The following AGBL4 variants were observed in gnomAD, a reference collection of about 807,000 sequenced individuals.
AGBL4 encodes the protein AGBL carboxypeptidase 4, also known as cytosolic carboxypeptidase 6.
A neutral mutation model predicts 66.4 loss-of-function variants in AGBL4; 58 were observed. The ratio of observed to expected loss-of-function variants is 0.87; its 90% CI spans 0.71 to 1.09. The LOEUF (loss-of-function observed/expected upper bound fraction) is 1.09. Among genes scored for constraint, AGBL4 ranks in the 50% least tolerant of loss-of-function variants. The probability of loss-of-function intolerance (pLI) is 0.00; values close to 1 mark genes in which losing one functional copy is unlikely to be tolerated. For synonymous variants in AGBL4, 234 were observed against 222.9 expected (o/e 1.05, Z -0.44); for missense variants, 579 against 631.0 (o/e 0.92, Z 0.88).
chr1:48,768,662 G>C (rs556966894), intron 6 of AGBL4, among the ~76,000 whole-genome samples: 2 of 152,286 alleles, frequency 1.3e-5, no homozygotes, highest in East Asian at 1.9e-4. Context: ...ATATAATCAG[G>C]CTGGGCAATT....
chr1:49,712,200 G>T (rs1251964475), intron 2 of AGBL4, among the ~76,000 whole-genome samples: 1 of 151,844 alleles, frequency 6.6e-6, no homozygotes, highest in Non-Finnish European at 1.5e-5. Context: ...TTAGGAATAT[G>T]GGCTCTGGTT....
chr1:49,061,973 G>A (rs944850880), intron 4 of AGBL4, among the ~76,000 whole-genome samples: 10 of 152,134 alleles, frequency 6.6e-5, no homozygotes, highest in Non-Finnish European at 1.2e-4. Context: ...AGCTGTGGGC[G>A]AGCAAGCGTT....
Position 49,787,447 on chromosome 1 carries a change from G to A in AGBL4, c.157+63949C>T, listed in dbSNP as rs34380710. Reference sequence around the variant, plus strand: ...GAACCTGGGAGGCGGAGCTTGCAGCGAGCCGAGATCAAGCCACTGCACTCC... The same window carrying A: ...GAACCTGGGAGGCGGAGCTTGCAGCAAGCCGAGATCAAGCCACTGCACTCC... On this transcript the variant is annotated intron_variant, in intron 2 of 13. Coordinates refer to ENST00000371839, the MANE Select transcript of AGBL4 (RefSeq NM_032785.4). 8.0e-3 allele frequency among the ~76,000 whole-genome samples: 1,197 copies of A among 150,356 alleles called. 5 individuals are homozygous for A. The highest frequency in any genetic ancestry group is 0.012 in the Non-Finnish European group (781 of 67,816).
chr1:49,080,775 G>A (rs1467021814), intron 4 of AGBL4, among the ~76,000 whole-genome samples: 4 of 152,026 alleles, frequency 2.6e-5, no homozygotes, highest in Admixed American at 1.3e-4. Context: ...TTTGTTCACC[G>A]TAATACTTGA....
chr1:49,746,865 G>C (rs1432323408), intron 2 of AGBL4, among the ~76,000 whole-genome samples: 1 of 152,076 alleles, frequency 6.6e-6, no homozygotes, highest in Non-Finnish European at 1.5e-5. Context: ...TGTAAAAGTT[G>C]TGTAATATAT....
At chr1:48,547,748 G>A (rs1020280802) in intron 11 of AGBL4, among the ~76,000 whole-genome samples, 1 of 152,156 alleles carries the variant, frequency 6.6e-6, no homozygotes, top group African/African-American at 2.4e-5. Flanking sequence ...GGCTTTAGGG[G>A]AATGGCAGTA....
rs149362123 is a variant in AGBL4, at chr1:49,456,095, G to A, written c.283-210231C>T. Among the ~76,000 whole-genome samples the A allele has an allele frequency of 1.1e-3, 164 of 151,808 alleles. 3 individuals are homozygous for A. The Middle Eastern group carries it at 0.017, about 16-fold the overall frequency. On this transcript the variant is annotated intron_variant, in intron 3 of 13. Coordinates refer to ENST00000371839, the MANE Select transcript of AGBL4 (RefSeq NM_032785.4). ...TCAAAGTAAAGATAAAAATACTGGA[G>A]TCCTGCTTTTCTTTTAAATGAGCTT... is the stretch of plus-strand genomic sequence containing the variant.
intron 8 of AGBL4, among the ~76,000 whole-genome samples, chr1:48,652,922 A>AC (rs569091662): frequency 9.7e-4 from 148 of 152,198 alleles, no homozygotes; most frequent in African/African-American, 3.1e-3. Context: ...CATTATAACT[A>AC]CCCCACGATA....
chr1:49,681,348 T>A (rs1177176277), intron 3 of AGBL4, among the ~76,000 whole-genome samples: 1 of 152,182 alleles, frequency 6.6e-6, no homozygotes, highest in Non-Finnish European at 1.5e-5. Context: ...TTAGCAGTGT[T>A]CTTTTAACAT....
At chr1:48,593,378 C>T (rs921207058) in intron 9 of AGBL4, among the ~76,000 whole-genome samples, 1 of 152,136 alleles carries the variant, frequency 6.6e-6, no homozygotes, top group Admixed American at 6.5e-5. Flanking sequence ...TAATGTATTT[C>T]CAATCTTTTC....
intron 4 of AGBL4, among the ~76,000 whole-genome samples, chr1:49,167,038 T>C (rs1184216601): frequency 4.6e-5 from 7 of 152,332 alleles, no homozygotes; most frequent in African/African-American, 1.7e-4. Context: ...GTAGAGCTTC[T>C]GAATGTCTCT....
chr1:48,963,618 G>A (rs1005910777), intron 5 of AGBL4, among the ~76,000 whole-genome samples: 4 of 151,904 alleles, frequency 2.6e-5, no homozygotes, highest in Non-Finnish European at 5.9e-5. Flanking sequence ...CCTGAAGGTG[G>A]TATGAAAGAT....
At chr1:49,350,938 G>T (rs375625574) in intron 3 of AGBL4, among the ~76,000 whole-genome samples, 4 of 152,080 alleles carry the variant, frequency 2.6e-5, no homozygotes, top group African/African-American at 9.7e-5. Flanking sequence ...GGATTTTCAG[G>T]TTCCCCAGTA....
intron 1 of AGBL4, among the ~76,000 whole-genome samples, chr1:49,891,545 T>C (rs1648647550): frequency 6.6e-6 from 1 of 152,064 alleles, no homozygotes; most frequent in Non-Finnish European, 1.5e-5. Flanking sequence ...AAAATGTCAA[T>C]AGTCCAAGGT....
At chr1:49,366,069 C>A (rs143371175) in intron 3 of AGBL4, among the ~76,000 whole-genome samples, 1 of 152,160 alleles carries the variant, frequency 6.6e-6, no homozygotes, top group South Asian at 2.1e-4. Flanking sequence ...TACATCCCTA[C>A]TTCCTTCTCC....
chr1:49,255,427 C>T (rs1557771284), intron 3 of AGBL4, among the ~76,000 whole-genome samples: 1 of 152,156 alleles, frequency 6.6e-6, no homozygotes, highest in Non-Finnish European at 1.5e-5. Context: ...CTCAGCATCA[C>T]TAATCATTAG....
At chr1:49,387,666 T>C (rs1211975978) in intron 3 of AGBL4, among the ~76,000 whole-genome samples, 2 of 152,094 alleles carry the variant, frequency 1.3e-5, no homozygotes, top group African/African-American at 4.8e-5. Flanking sequence ...CTCTTAGTTT[T>C]TGCTATTATG....
At chr1:49,059,169 AG>A in intron 4 of AGBL4, among the ~76,000 whole-genome samples, 1 of 152,058 alleles carries the variant, frequency 6.6e-6, no homozygotes, top group South Asian at 2.1e-4. Flanking sequence ...GAGGCCTAGG[AG>A]GGAAAAAATG....
intron 2 of AGBL4, among the ~76,000 whole-genome samples, chr1:49,757,856 A>G (rs981402894): frequency 1.3e-5 from 2 of 152,208 alleles, no homozygotes; most frequent in African/African-American, 4.8e-5. Context: ...TTTTCTGGGG[A>G]AAAATTCAAG....
Sources: allele counts gnomAD v4.1 joint callset (sites outside exome capture counted in the v4.1 genomes callset), GRCh38; gene constraint gnomAD v4.1.1; transcripts MANE v1.5; gene names NCBI Gene and HGNC (gene_info 2026-07-23, HGNC 2026-07-21).